The following ROBO2 variants were observed in gnomAD, a reference collection of about 807,000 sequenced individuals.
The protein encoded by ROBO2 is roundabout homolog 2.
A neutral mutation model predicts 160.8 loss-of-function variants in ROBO2; 53 were observed. The observed-to-expected ratio is 0.33, with a 90% CI of 0.26 to 0.41. ROBO2 has a LOEUF of 0.41. Ranked by LOEUF, ROBO2 falls within the 10% of genes least tolerant of loss-of-function variation. The pLI is 1.00. For missense variants in ROBO2, 1,577 were observed against 1,722.4 expected (o/e 0.92, Z 1.49); for synonymous variants, 664 against 611.7 (o/e 1.09, Z -1.26).
chr3:77,205,386 C>T (rs1430606101), intron 2 of ROBO2, among the ~76,000 whole-genome samples: 2 of 151,928 alleles, frequency 1.3e-5, no homozygotes, highest in Non-Finnish European at 2.9e-5. Context: ...GCTTTGTGTT[C>T]ACACTCCTTC....
intron 2 of ROBO2, among the ~76,000 whole-genome samples, chr3:76,923,540 C>A (rs927742258): frequency 2.0e-5 from 3 of 152,134 alleles, no homozygotes; most frequent in African/African-American, 7.2e-5. Context: ...GTGACCACAC[C>A]AAGAAAAGGA....
At chr3:77,242,488 A>G (rs1426372961) in intron 2 of ROBO2, among the ~76,000 whole-genome samples, 4 of 152,178 alleles carry the variant, frequency 2.6e-5, no homozygotes, top group African/African-American at 9.7e-5. Context: ...TATCCAAAAT[A>G]TATTCTCTTT....
intron 2 of ROBO2, among the ~76,000 whole-genome samples, chr3:77,235,878 C>T (rs574230298): frequency 6.6e-6 from 1 of 152,280 alleles, no homozygotes; most frequent in African/African-American, 2.4e-5. Context: ...ATCAACATCC[C>T]ACACTGACGT....
At chr3:76,713,121 T>C (rs1488882589) in intron 2 of ROBO2, among the ~76,000 whole-genome samples, 1 of 152,234 alleles carries the variant, frequency 6.6e-6, no homozygotes, top group Non-Finnish European at 1.5e-5. Flanking sequence ...ATCATATTTG[T>C]AAACATCATA....
In ROBO2 at chr3:76,219,684, A is replaced by T. The variant is rs376391824; in HGVS notation, c.109+282082A>T. On this transcript the variant is annotated intron_variant, in intron 2 of 26. Coordinates refer to the ROBO2 transcript ENST00000487694. ...TTAAAAAGTCAGGAAACAACAGGTGATGGAGAGGATGTGGAGAAATAGGAA... is the reference window on the plus strand; with the variant it reads ...TTAAAAAGTCAGGAAACAACAGGTGTTGGAGAGGATGTGGAGAAATAGGAA... 4.3e-3 allele frequency among the ~76,000 whole-genome samples: 656 copies of T among 152,188 alleles called. 6 individuals carry two copies. The highest frequency in any genetic ancestry group is 0.015 in the African/African-American group (615 of 41,518).
intron 2 of ROBO2, among the ~76,000 whole-genome samples, chr3:76,922,959 T>C (rs1253598618): frequency 6.6e-6 from 1 of 152,220 alleles, no homozygotes; most frequent in African/African-American, 2.4e-5. Context: ...CTTCTCATGA[T>C]CAGGAATTCA....
chr3:76,523,415 G>T (rs779120280), intron 2 of ROBO2, among the ~76,000 whole-genome samples: 1 of 151,322 alleles, frequency 6.6e-6, no homozygotes, highest in Non-Finnish European at 1.5e-5. Flanking sequence ...TTGTACCTTC[G>T]TCTGGAAATA....
At chr3:76,708,234 T>G (rs2093212537) in intron 2 of ROBO2, among the ~76,000 whole-genome samples, 1 of 152,178 alleles carries the variant, frequency 6.6e-6, no homozygotes, top group Non-Finnish European at 1.5e-5. Context: ...TCTCTATACT[T>G]CTACATGATT....
At chr3:77,146,075 T>C (rs944962730) in intron 2 of ROBO2, among the ~76,000 whole-genome samples, 2 of 152,206 alleles carry the variant, frequency 1.3e-5, no homozygotes, top group Non-Finnish European at 2.9e-5. Flanking sequence ...CCCAGCCTGC[T>C]GCCATGTCAT....
chr3:77,090,217 G>A (rs2150010906), intron 1 of ROBO2, among the ~76,000 whole-genome samples: 1 of 151,422 alleles, frequency 6.6e-6, no homozygotes, highest in African/African-American at 2.4e-5. Context: ...TTTAGAGTTG[G>A]AGTATTTGTC....
intron 2 of ROBO2, among the ~76,000 whole-genome samples, chr3:75,958,808 A>T (rs1205223456): frequency 3.3e-5 from 5 of 151,812 alleles, no homozygotes; most frequent in African/African-American, 1.2e-4. Flanking sequence ...ATAGTAACAA[A>T]GATAAAAAAA....
chr3:76,017,651 G>C (rs894810964), intron 2 of ROBO2, among the ~76,000 whole-genome samples: 1 of 152,004 alleles, frequency 6.6e-6, no homozygotes. Context: ...CTTGCATGTA[G>C]TAGGTAATTT....
intron 2 of ROBO2, among the ~76,000 whole-genome samples, chr3:77,243,702 C>A (rs531739894): frequency 6.6e-6 from 1 of 152,146 alleles, no homozygotes; most frequent in South Asian, 2.1e-4. Flanking sequence ...TTAGTGAGCG[C>A]GGCCTTACAC....
intron 1 of ROBO2, among the ~76,000 whole-genome samples, chr3:77,075,941 G>A (rs2067952241): frequency 6.6e-6 from 1 of 151,780 alleles, no homozygotes; most frequent in East Asian, 1.9e-4. Context: ...GCCTCCCAAA[G>A]TGCTGGGATT....
chr3:76,162,846 T>A (rs1215438841), intron 2 of ROBO2, among the ~76,000 whole-genome samples: 4 of 152,150 alleles, frequency 2.6e-5, no homozygotes, highest in Admixed American at 2.6e-4. Context: ...TATATTGACT[T>A]AAAATATTTT....
intron 2 of ROBO2, among the ~76,000 whole-genome samples, chr3:76,588,015 A>G (rs2086165183): frequency 6.6e-6 from 1 of 152,090 alleles, no homozygotes; most frequent in Admixed American, 6.5e-5. Context: ...ATGATTACTT[A>G]TTGTGTGTTA....
intron 2 of ROBO2, among the ~76,000 whole-genome samples, chr3:75,981,902 C>T (rs2107453292): frequency 6.6e-6 from 1 of 151,540 alleles, no homozygotes; most frequent in South Asian, 2.1e-4. Flanking sequence ...TCTCCACCCT[C>T]TGCCCCCTCC....
At chr3:75,935,906 C>T (rs1015469524) in intron 1 of ROBO2, among the ~76,000 whole-genome samples, 4 of 152,120 alleles carry the variant, frequency 2.6e-5, no homozygotes, top group African/African-American at 7.2e-5. Context: ...ACTAGGGGAT[C>T]GTGTAGCATT....
chr3:76,208,708 C>T (rs1434887948), intron 2 of ROBO2, among the ~76,000 whole-genome samples: 1 of 152,074 alleles, frequency 6.6e-6, no homozygotes, highest in Non-Finnish European at 1.5e-5. Flanking sequence ...CACACTTTAC[C>T]ATAAATTCTG....
Sources: gnomAD v4.1 joint callset for allele counts (sites outside exome capture counted in the v4.1 genomes callset) on GRCh38, gnomAD v4.1.1 for gene constraint, MANE v1.5 for transcripts, NCBI Gene and HGNC (gene_info 2026-07-23, HGNC 2026-07-21) for gene names.